Variants in EYA3 observed in about 807,000 individuals in gnomAD.
EYA3 encodes the protein EYA transcriptional coactivator and phosphatase 3.
A neutral mutation model predicts 80.0 loss-of-function variants in EYA3; 39 were observed. That is an observed-to-expected ratio of 0.49 (90% CI 0.38 to 0.64). The LOEUF (loss-of-function observed/expected upper bound fraction) is 0.64, where lower values mean the gene tolerates loss of function less well. EYA3 is among the 30% of genes least tolerant of loss of function. The probability of loss-of-function intolerance (pLI) is 0.00; values close to 1 mark genes in which losing one functional copy is unlikely to be tolerated. For missense variants in EYA3, 523 were observed against 676.1 expected, an observed-to-expected ratio of 0.77 and a Z score of 2.51; for synonymous variants, 206 against 232.8, an observed-to-expected ratio of 0.88 and a Z score of 1.05.
intron 4 of EYA3, among the ~76,000 whole-genome samples, chr1:28,041,496 T>C (rs1643775879): frequency 1.3e-5 from 2 of 151,892 alleles, no homozygotes; most frequent in Non-Finnish European, 2.9e-5. Context: ...GAGGTTGTAG[T>C]GAGTCGAGAT....
Position 28,061,895 on chromosome 1 carries a change from G to A in EYA3, c.-68-3801C>T, listed in dbSNP as rs191362408. Among the ~76,000 whole-genome samples the A allele has an allele frequency of 4.8e-3, 699 of 145,360 alleles. 5 individuals carry two copies. Among genetic ancestry groups the A allele is most frequent in the African/African-American group, 0.017 (669 of 40,402 alleles). ...ATTACAGGTGTGAGCCACCGCGCCC[G>A]GTCAACGGTTTTTTTTTGTTTGTTT... On this transcript the variant is annotated intron_variant, in intron 1 of 17. Transcript: ENST00000373871.
chr1:28,002,987 T>C (rs945068011), intron 11 of EYA3, among the ~76,000 whole-genome samples: 1 of 150,672 alleles, frequency 6.6e-6, no homozygotes, highest in Admixed American at 6.7e-5. Flanking sequence ...CTGGGCGCAG[T>C]GGCTCACGCT....
intron 14 of EYA3, 118 bp from the exon 15 acceptor site, chr1:27,989,929 T>A: frequency 2.0e-6 from 1 of 505,276 alleles, no homozygotes; most frequent in East Asian, 3.5e-5. Context: ...CTACTGAGTA[T>A]GTTTATATAT....
intron 17 of EYA3, among the ~76,000 whole-genome samples, chr1:27,974,823 T>C (rs1225912295): frequency 1.3e-5 from 2 of 152,244 alleles, no homozygotes; most frequent in Non-Finnish European, 2.9e-5. Context: ...AGACAGGGTC[T>C]TGCTGTGTCA....
chr1:28,056,444 C>T (rs1396397885), intron 2 of EYA3, among the ~76,000 whole-genome samples: 2 of 152,210 alleles, frequency 1.3e-5, no homozygotes, highest in Non-Finnish European at 2.9e-5. Flanking sequence ...GCATGCTATG[C>T]CTCTTGTTTC....
intron 5 of EYA3, 109 bp from the exon 6 acceptor site, chr1:28,035,789 A>C (rs1029063069): frequency 1.9e-6 from 2 of 1,028,862 alleles, no homozygotes; most frequent in Non-Finnish European, 2.9e-6. Context: ...CAAGGAGACT[A>C]ATCTTCCACA....
intron 7 of EYA3, among the ~76,000 whole-genome samples, chr1:28,017,953 C>T (rs1274160179): frequency 6.6e-6 from 1 of 151,990 alleles, no homozygotes; most frequent in African/African-American, 2.4e-5. Flanking sequence ...CCAGCACTTT[C>T]GGAGGCCGAG....
chr1:28,000,672 T>C (rs1387162642), intron 11 of EYA3, among the ~76,000 whole-genome samples: 2 of 152,086 alleles, frequency 1.3e-5, no homozygotes, highest in Non-Finnish European at 2.9e-5. Flanking sequence ...CTCACACCTG[T>C]CATCTCAGCA....
intron 1 of EYA3, among the ~76,000 whole-genome samples, chr1:28,075,020 A>T (rs1179636953): frequency 6.6e-6 from 1 of 152,250 alleles, no homozygotes; most frequent in Admixed American, 6.5e-5. Context: ...TAAAACCAGT[A>T]TAAGACTCAG....
At chr1:28,072,415 TAGATCC>T in intron 1 of EYA3, among the ~76,000 whole-genome samples, 1 of 152,172 alleles carries the variant, frequency 6.6e-6, no homozygotes, top group African/African-American at 2.4e-5. Context: ...TCTGTAGATT[TAGATCC>T]TTTCGTTTAG....
In EYA3 at chr1:27,978,628, G is replaced by C. The variant is rs967748244; in HGVS notation, c.1541-154C>G. 3.9e-5 allele frequency among the ~76,000 whole-genome samples: 6 copies of C among 152,318 alleles called. No homozygotes were observed. In the East Asian group the frequency reaches 7.7e-4, roughly 20 times the overall value. On this transcript the variant is annotated intron_variant, in intron 16 of 17. Coordinates refer to ENST00000373871, the MANE Select transcript of EYA3 (RefSeq NM_001990.4). Reference sequence around the variant, plus strand: ...CTGGGGAGTAGGGATGGGAGCTAGAGATCCAGTAGACCCTCTGCCCAAAGA... The same window carrying C: ...CTGGGGAGTAGGGATGGGAGCTAGACATCCAGTAGACCCTCTGCCCAAAGA...
intron 16 of EYA3, among the ~76,000 whole-genome samples, chr1:27,979,181 G>A (rs950977685): frequency 6.6e-6 from 1 of 152,122 alleles, no homozygotes; most frequent in Non-Finnish European, 1.5e-5. Context: ...GATTTTTGGG[G>A]TGAAATGTTT....
chr1:28,017,120 C>T, intron 8 of EYA3, 34 bp downstream of exon 8: 1 of 1,558,648 alleles, frequency 6.4e-7, no homozygotes, highest in South Asian at 1.1e-5. Context: ...TGGATGAACT[C>T]TATCAAACAG....
chr1:28,001,596 G>T (rs962734662), intron 11 of EYA3, among the ~76,000 whole-genome samples: 1 of 150,368 alleles, frequency 6.7e-6, no homozygotes, highest in Non-Finnish European at 1.5e-5. Flanking sequence ...AAAATTAGCT[G>T]GGCATGGTGA....
chr1:28,002,628 T>C (rs1365604747), intron 11 of EYA3, among the ~76,000 whole-genome samples: 1 of 151,374 alleles, frequency 6.6e-6, no homozygotes, highest in Non-Finnish European at 1.5e-5. Context: ...CTGGGCAACA[T>C]GGCGAGATCC....
chr1:28,043,143 T>A (rs1408417897), intron 3 of EYA3, among the ~76,000 whole-genome samples: 3 of 152,058 alleles, frequency 2.0e-5, no homozygotes, highest in African/African-American at 4.8e-5. Context: ...ACGCCCAGTC[T>A]ACTGTTCTTT....
Position 27,997,304 on chromosome 1 carries a change from T to A in EYA3, c.1142+16A>T, listed in dbSNP as rs773365690. 1.9e-6 allele frequency: 3 copies of A among 1,612,080 alleles called. No individual in the cohort carries two copies. The highest frequency in any genetic ancestry group is 1.6e-4 in the Middle Eastern group (1 of 6,078). ...TAACAGGTGTACTGGTGTTCAAGAA[T>A]CATTATGTTTATCACCTCAAGTCTT... On this transcript the variant is annotated intron_variant, in intron 13 of 17. Transcript: ENST00000373871.
At chr1:28,036,032 C>A (rs1643435692) in intron 5 of EYA3, among the ~76,000 whole-genome samples, 1 of 152,148 alleles carries the variant, frequency 6.6e-6, no homozygotes. Context: ...CCAGGCTGGC[C>A]TCGAACTCCC....
intron 2 of EYA3, among the ~76,000 whole-genome samples, chr1:28,050,186 TA>T (rs1185159916): frequency 7.4e-4 from 98 of 132,324 alleles, no homozygotes; most frequent in Admixed American, 1.8e-3. Context: ...TTATTATTAT[TA>T]TTATTATTAT....
Sources: allele counts gnomAD v4.1 joint callset (sites outside exome capture counted in the v4.1 genomes callset), GRCh38; gene constraint gnomAD v4.1.1; transcripts MANE v1.5; gene names NCBI Gene and HGNC (gene_info 2026-07-23, HGNC 2026-07-21).